The following AHCY variants were observed in gnomAD, a reference collection of about 807,000 sequenced individuals.
AHCY encodes S-adenosyl-L-homocysteine hydrolase.
A neutral mutation model predicts 45.4 loss-of-function variants in AHCY; 24 were observed. That is an observed-to-expected ratio of 0.53 (90% CI 0.38 to 0.74). The LOEUF (loss-of-function observed/expected upper bound fraction) is 0.74, where lower values mean the gene tolerates loss of function less well. Among genes scored for constraint, AHCY ranks in the 30% least tolerant of loss-of-function variants. The pLI, the probability that AHCY is intolerant of heterozygous loss-of-function variation, is 0.00. For synonymous variants in AHCY, 245 were observed against 235.1 expected (o/e 1.04, Z -0.39); for missense variants, 449 against 594.1 (o/e 0.76, Z 2.54).
chr20:34,258,685 A>ATATATATATATATATATATATATATG, the AHCY span, among the ~76,000 whole-genome samples: 2 of 74,492 alleles, frequency 2.7e-5, no homozygotes, highest in African/African-American at 1.7e-4. Context: ...ATATATATAT[A>ATATATATATATATATATATATATATG]TATATACATA....
At chr20:34,283,842 A>G (rs1354038947) in intron 9 of AHCY, among the ~76,000 whole-genome samples, 2 of 152,138 alleles carry the variant, frequency 1.3e-5, no homozygotes, top group Non-Finnish European at 2.9e-5. Flanking sequence ...GTCTTCCTCA[A>G]TTGGTAGAAC....
upstream of AHCY, among the ~76,000 whole-genome samples, chr20:34,303,559 G>C (rs1321074427): frequency 9.2e-5 from 14 of 152,226 alleles, no homozygotes; most frequent in Non-Finnish European, 1.9e-4. Flanking sequence ...AGAGCCAGCC[G>C]GGCCGTCCTC....
rs2036702829 is a variant in AHCY, at chr20:34,299,619, G to C, written c.28+3624C>G. ...CTCCCCTGAACTTGAGACTCGATGTGATCCAACTGCCTCCACAGCACCTCC... is the reference window on the plus strand; with the variant it reads ...CTCCCCTGAACTTGAGACTCGATGTCATCCAACTGCCTCCACAGCACCTCC... On this transcript the variant is annotated intron_variant, in intron 1 of 9. Coordinates refer to ENST00000217426, the MANE Select transcript of AHCY (RefSeq NM_000687.4). Among the ~76,000 whole-genome samples the C allele has an allele frequency of 2.0e-5, 3 of 152,178 alleles. No individual in the cohort carries two copies. The South Asian group carries it at 6.2e-4, about 32-fold the overall frequency.
chr20:34,253,262 C>T, the AHCY span, among the ~76,000 whole-genome samples: 2 of 151,432 alleles, frequency 1.3e-5, no homozygotes, highest in Non-Finnish European at 1.5e-5. Context: ...TCTGCCACCA[C>T]GCCCGCCTAA....
intron 1 of AHCY, among the ~76,000 whole-genome samples, chr20:34,299,343 GC>G (rs1442476333): frequency 2.0e-5 from 3 of 152,170 alleles, no homozygotes; most frequent in Non-Finnish European, 4.4e-5. Flanking sequence ...TCTACCAGCA[GC>G]ACAGATTGCA....
the AHCY span, among the ~76,000 whole-genome samples, chr20:34,235,791 A>AAG: frequency 2.5e-5 from 1 of 39,264 alleles, no homozygotes; most frequent in Non-Finnish European, 4.0e-5. Flanking sequence ...AGAAAGAAGA[A>AAG]AGAAAGAAAG....
chr20:34,294,594 C>T (rs1239093461), intron 2 of AHCY, among the ~76,000 whole-genome samples: 1 of 151,952 alleles, frequency 6.6e-6, no homozygotes, highest in Non-Finnish European at 1.5e-5. Flanking sequence ...CTCCCAGATT[C>T]GTGAATTGAG....
intron 1 of AHCY, chr20:34,302,783 C>T: frequency 1.0e-6 from 1 of 996,964 alleles, no homozygotes; most frequent in Middle Eastern, 5.1e-4. Flanking sequence ...GCTTTCCAGG[C>T]CTCTCCTCAT....
At chr20:34,242,582 C>T in the AHCY span, among the ~76,000 whole-genome samples, 3 of 152,180 alleles carry the variant, frequency 2.0e-5, no homozygotes, top group Non-Finnish European at 4.4e-5. Flanking sequence ...CTGGGACCCA[C>T]TCAAAAAACA....
the AHCY span, among the ~76,000 whole-genome samples, chr20:34,249,359 C>CAG: frequency 6.6e-6 from 1 of 151,782 alleles, no homozygotes; most frequent in Non-Finnish European, 1.5e-5. Context: ...TGCCCAGAGC[C>CAG]CTGGTTAGAC....
chr20:34,241,531 G>A, the AHCY span: 1 of 985,370 alleles, frequency 1.0e-6, no homozygotes, highest in Non-Finnish European at 1.2e-6. Flanking sequence ...CAGGAGTGAA[G>A]CTGCTGCTAC....
At chr20:34,289,369 T>G (rs2036293141) in intron 8 of AHCY, among the ~76,000 whole-genome samples, 1 of 151,294 alleles carries the variant, frequency 6.6e-6, no homozygotes, top group Non-Finnish European at 1.5e-5. Flanking sequence ...GAGACGGGGT[T>G]TCACTATGTT....
intron 1 of AHCY, among the ~76,000 whole-genome samples, chr20:34,295,894 C>T (rs2036564175): frequency 6.6e-6 from 1 of 152,114 alleles, no homozygotes; most frequent in South Asian, 2.1e-4. Context: ...CACTACCCTG[C>T]CTTTCTGCTG....
chr20:34,301,327 T>C (rs189188203), intron 1 of AHCY, among the ~76,000 whole-genome samples: 10 of 152,186 alleles, frequency 6.6e-5, no homozygotes, highest in African/African-American at 2.4e-4. Context: ...AAATAACTCC[T>C]TCAGTGCCCT....
chr20:34,311,459 C>T (rs1374970064), intron 1 of AHCY: 1 of 152,334 alleles, frequency 6.6e-6, no homozygotes, highest in Non-Finnish European at 1.5e-5. Flanking sequence ...CTCCTCCCGA[C>T]CTTTGTACCT....
the AHCY span, chr20:34,268,970 G>A: frequency 6.3e-7 from 1 of 1,587,462 alleles, no homozygotes; most frequent in Non-Finnish European, 8.6e-7. Flanking sequence ...GGCTCATAAA[G>A]CCCCGGCGTT....
chr20:34,245,579 C>T, the AHCY span, among the ~76,000 whole-genome samples: 3 of 151,184 alleles, frequency 2.0e-5, no homozygotes, highest in Non-Finnish European at 4.4e-5. Context: ...TTGGTAGAGA[C>T]GGGGTTTCAC....
intron 4 of AHCY, 59 bp from the exon 5 acceptor site, chr20:34,291,590 C>T (rs2036397462): frequency 6.2e-6 from 9 of 1,461,606 alleles, no homozygotes; most frequent in Non-Finnish European, 8.6e-6. Flanking sequence ...CATGCAAATT[C>T]CTCATCTTTA....
the AHCY span, chr20:34,269,397 C>T: frequency 1.1e-5 from 6 of 529,588 alleles, no homozygotes; most frequent in Non-Finnish European, 1.9e-5. Flanking sequence ...GGTCCCTTCG[C>T]CACGGAGTCC....
Sources: gnomAD v4.1 joint callset for allele counts (sites outside exome capture counted in the v4.1 genomes callset) on GRCh38, gnomAD v4.1.1 for gene constraint, MANE v1.5 for transcripts, NCBI Gene and HGNC (gene_info 2026-07-23, HGNC 2026-07-21) for gene names.